Variants in LRBA observed in about 807,000 individuals in gnomAD.
LRBA encodes the protein lipopolysaccharide-responsive and beige-like anchor protein.
LRBA carries 176 observed loss-of-function variants against 330.0 expected under a neutral mutation model. The ratio of observed to expected loss-of-function variants is 0.53; its 90% CI spans 0.47 to 0.60. LRBA has a LOEUF of 0.60. Among genes scored for constraint, LRBA ranks in the 20% least tolerant of loss-of-function variants. LRBA has a pLI of 0.00. For missense variants in LRBA, 3,259 were observed against 3,444.8 expected (o/e 0.95, Z 1.35); for synonymous variants, 1,230 against 1,193.0 (o/e 1.03, Z -0.64).
intron 47 of LRBA, among the ~76,000 whole-genome samples, chr4:150,407,063 A>T (rs1746304038): frequency 6.6e-6 from 1 of 152,190 alleles, no homozygotes; most frequent in Non-Finnish European, 1.5e-5. Context: ...GATTACAGGC[A>T]TGAGCCATGG....
At chr4:150,560,821 T>C (rs755684076) in intron 40 of LRBA, among the ~76,000 whole-genome samples, 41 of 152,206 alleles carry the variant, frequency 2.7e-4, no homozygotes, top group Non-Finnish European at 5.1e-4. Context: ...ACCCCGTCTC[T>C]ACTAAAAATA....
At chr4:150,378,531 AG>A (rs1477536167) in intron 47 of LRBA, among the ~76,000 whole-genome samples, 4 of 152,248 alleles carry the variant, frequency 2.6e-5, no homozygotes, top group African/African-American at 9.6e-5. Flanking sequence ...TTTTCTTAAA[AG>A]GAAGTCCAGA....
chr4:150,277,512 G>T (rs1305125977), intron 56 of LRBA, among the ~76,000 whole-genome samples: 4 of 152,098 alleles, frequency 2.6e-5, no homozygotes. Flanking sequence ...TGAGAACTCA[G>T]CCTTTGTCCA....
chr4:150,806,539 T>G, intron 32 of LRBA, 135 bp from the exon 33 acceptor site: 1 of 413,110 alleles, frequency 2.4e-6, no homozygotes. Flanking sequence ...GAGACATTAC[T>G]GCTATGCATA....
intron 13 of LRBA, among the ~76,000 whole-genome samples, chr4:150,901,253 A>G (rs574969936): frequency 6.8e-4 from 103 of 152,000 alleles, no homozygotes; most frequent in Non-Finnish European, 1.1e-3. Flanking sequence ...AAGCCGAGAG[A>G]GCACCACTGC....
At position 150,350,131 on chromosome 4, in the gene LRBA, T is replaced by C. The variant is rs773238731; in HGVS notation, c.7223A>G (p.Gln2408Arg). ...LALESEFVSC[Q>R]LHQWIDLIFG... ...AATGAGATCAATCCATTGGTGAAGCTGGCAGGAAACAAATTCACTCTCCAG... is the reference window on the plus strand; with the variant it reads ...AATGAGATCAATCCATTGGTGAAGCCGGCAGGAAACAAATTCACTCTCCAG... The change falls in exon 48 of 57, where the codon CAG becomes CGG. Residue 2408 changes from glutamine (Q) to arginine (R), a missense_variant. Transcript: ENST00000651943. 4 of 1,593,498 alleles carry C rather than the reference T, an allele frequency of 2.5e-6. No homozygotes were observed. Among genetic ancestry groups the C allele is most frequent in the Admixed American group, 3.6e-5 (2 of 55,528 alleles).
chr4:150,559,419 G>A (rs1032113716), intron 40 of LRBA, among the ~76,000 whole-genome samples: 6 of 149,624 alleles, frequency 4.0e-5, no homozygotes, highest in African/African-American at 1.2e-4. Flanking sequence ...AAATTAGCTG[G>A]GTGTGGTGGT....
intron 40 of LRBA, among the ~76,000 whole-genome samples, chr4:150,524,260 T>A (rs1667443580): frequency 6.6e-6 from 1 of 152,136 alleles, no homozygotes; most frequent in South Asian, 2.1e-4. Flanking sequence ...TCACTAACAA[T>A]CCATACTACC....
intron 4 of LRBA, among the ~76,000 whole-genome samples, chr4:150,924,826 C>A (rs1561013322): frequency 6.6e-6 from 1 of 152,080 alleles, no homozygotes; most frequent in Non-Finnish European, 1.5e-5. Flanking sequence ...CATTCTCCTC[C>A]CCCTCCCCAT....
chr4:150,317,172 C>G (rs993453451), intron 50 of LRBA, among the ~76,000 whole-genome samples: 1 of 152,090 alleles, frequency 6.6e-6, no homozygotes, highest in Admixed American at 6.6e-5. Context: ...TCAACAGTTT[C>G]CTTTTGATAG....
At chr4:150,683,316 TA>T (rs1029692894) in intron 37 of LRBA, among the ~76,000 whole-genome samples, 2 of 152,172 alleles carry the variant, frequency 1.3e-5, no homozygotes, top group African/African-American at 4.8e-5. Context: ...GAAACTGATC[TA>T]CAAAGATCCA....
intron 4 of LRBA, among the ~76,000 whole-genome samples, chr4:150,922,683 C>T (rs1258420096): frequency 1.3e-5 from 2 of 151,720 alleles, no homozygotes; most frequent in Non-Finnish European, 2.9e-5. Context: ...GCTCAGGTGA[C>T]GGGTGCACCA....
chr4:150,922,394 G>GTATA (rs56340108), intron 4 of LRBA, among the ~76,000 whole-genome samples: 46,140 of 139,290 alleles, frequency 0.33, 7,980 homozygotes, highest in Middle Eastern at 0.43. Flanking sequence ...AGAAACTGTG[G>GTATA]TATATATATA....
intron 40 of LRBA, among the ~76,000 whole-genome samples, chr4:150,550,239 T>G (rs1766411441): frequency 6.6e-6 from 1 of 152,164 alleles, no homozygotes; most frequent in Non-Finnish European, 1.5e-5. Context: ...TTAAAGTATT[T>G]TAAATAAATA....
intron 38 of LRBA, among the ~76,000 whole-genome samples, chr4:150,593,142 T>C (rs766581472): frequency 6.6e-6 from 1 of 152,142 alleles, no homozygotes; most frequent in East Asian, 1.9e-4. Flanking sequence ...GAAATGCAAA[T>C]GAAGCACCAT....
At chr4:150,750,099 C>T (rs1344515334) in intron 35 of LRBA, among the ~76,000 whole-genome samples, 2 of 152,202 alleles carry the variant, frequency 1.3e-5, no homozygotes, top group East Asian at 3.8e-4. Context: ...GTTTCCCCTT[C>T]ACAAGATTTT....
At chr4:151,012,418 G>A (rs1744959917) in intron 2 of LRBA, among the ~76,000 whole-genome samples, 1 of 152,102 alleles carries the variant, frequency 6.6e-6, no homozygotes, top group Non-Finnish European at 1.5e-5. Flanking sequence ...AGTAATTATG[G>A]ATTATATTAC....
chr4:150,656,133 C>T (rs890013923), intron 37 of LRBA, among the ~76,000 whole-genome samples: 6 of 152,188 alleles, frequency 3.9e-5, no homozygotes, highest in African/African-American at 1.4e-4. Context: ...ACCACTCATC[C>T]TAATTGTAGC....
At position 150,915,611 on chromosome 4, in the gene LRBA, G is replaced by A. The variant is rs370057120; in HGVS notation, c.1011C>T (p.Ser337=). 1.6e-5 allele frequency: 26 copies of A among 1,607,008 alleles called. No homozygotes were observed. The African/African-American group carries it at 2.4e-4, about 15-fold the overall frequency. ...GCAACATTTTGAAACTACTTACATC[G>A]CTAGTGTTGACAAACCATGTTATCT... ...YGEITWFVNT[S]DTFDKCFLGS... Residue 337 remains serine (S), a synonymous_variant, in exon 8 of 57, where the codon AGC becomes AGT. Coordinates refer to ENST00000651943, the MANE Select transcript of LRBA (RefSeq NM_001364905.1).
Sources: allele counts gnomAD v4.1 joint callset (sites outside exome capture counted in the v4.1 genomes callset), GRCh38; gene constraint gnomAD v4.1.1; transcripts MANE v1.5; gene names NCBI Gene and HGNC (gene_info 2026-07-23, HGNC 2026-07-21).